ADGRV1: variants seen among roughly 807,000 people sequenced by gnomAD.
ADGRV1 encodes the protein G-protein coupled receptor 98.
ADGRV1 carries 359 observed loss-of-function variants against 596.2 expected under a neutral mutation model. The observed-to-expected ratio is 0.60, with a 90% CI of 0.55 to 0.66. ADGRV1 has a LOEUF of 0.66. Ranked by LOEUF, ADGRV1 falls within the 30% of genes least tolerant of loss-of-function variation. ADGRV1 has a pLI of 0.00. For missense variants in ADGRV1, 7,274 were observed against 7,575.6 expected (o/e 0.96, Z 1.48); for synonymous variants, 2,681 against 2,679.2 (o/e 1.00, Z -0.02).
intron 67 of ADGRV1, among the ~76,000 whole-genome samples, chr5:90,785,281 A>C (rs1477399620): frequency 1.3e-5 from 2 of 152,262 alleles, no homozygotes; most frequent in African/African-American, 4.8e-5. Context: ...CTTAAATGTT[A>C]GACCTAAAAC....
chr5:90,701,422 A>G (rs1399799570), intron 34 of ADGRV1, among the ~76,000 whole-genome samples: 1 of 152,068 alleles, frequency 6.6e-6, no homozygotes, highest in Non-Finnish European at 1.5e-5. Context: ...GGAGTCTGCA[A>G]TAAAGAGACA....
At chr5:90,673,629 G>A (rs1035021745) in intron 22 of ADGRV1, among the ~76,000 whole-genome samples, 2 of 152,038 alleles carry the variant, frequency 1.3e-5, no homozygotes, top group African/African-American at 4.8e-5. Context: ...AAGATATGGT[G>A]CCTTCTCAAT....
intron 87 of ADGRV1, among the ~76,000 whole-genome samples, chr5:91,108,940 A>C (rs1275507478): frequency 6.6e-6 from 1 of 152,108 alleles, no homozygotes; most frequent in East Asian, 1.9e-4. Context: ...AAGTAAGAAA[A>C]TCTTGATCAC....
chr5:90,656,731 A>C (rs1769458224), intron 20 of ADGRV1, among the ~76,000 whole-genome samples: 1 of 152,180 alleles, frequency 6.6e-6, no homozygotes, highest in Non-Finnish European at 1.5e-5. Flanking sequence ...TATTGACAAG[A>C]AATATTGCTT....
intron 83 of ADGRV1, among the ~76,000 whole-genome samples, chr5:90,933,780 C>A (rs1775452833): frequency 6.6e-6 from 1 of 152,132 alleles, no homozygotes; most frequent in African/African-American, 2.4e-5. Flanking sequence ...TTTCTTGTAG[C>A]AGGTGTGAAT....
intron 87 of ADGRV1, among the ~76,000 whole-genome samples, chr5:91,115,975 C>G (rs547194408): frequency 1.2e-3 from 175 of 141,730 alleles, no homozygotes; most frequent in African/African-American, 4.2e-3. Flanking sequence ...CAACAACAGA[C>G]TAATAACACA....
intron 48 of ADGRV1, among the ~76,000 whole-genome samples, chr5:90,726,068 T>G (rs1356915308): frequency 6.6e-6 from 1 of 152,204 alleles, no homozygotes; most frequent in Admixed American, 6.5e-5. Context: ...TTGATAACTT[T>G]TGTCACTCCT....
intron 85 of ADGRV1, among the ~76,000 whole-genome samples, chr5:91,026,204 T>G (rs1784008016): frequency 6.6e-6 from 1 of 152,136 alleles, no homozygotes; most frequent in Admixed American, 6.5e-5. Flanking sequence ...ATGAAACTTC[T>G]GTGCCTGACA....
At chr5:90,582,475 G>A (rs1228836865) in intron 1 of ADGRV1, among the ~76,000 whole-genome samples, 3 of 151,882 alleles carry the variant, frequency 2.0e-5, no homozygotes, top group Non-Finnish European at 4.4e-5. Flanking sequence ...AACTTTTATT[G>A]GTTTAAAGTC....
chr5:91,064,486 G>A lies in ADGRV1; in HGVS notation c.18153-7961G>A, dbSNP rs1277141469. On this transcript the variant is annotated intron_variant, in intron 85 of 89. Coordinates refer to ENST00000405460, the MANE Select transcript of ADGRV1 (RefSeq NM_032119.4). ...CAGTAAATGATTGCTAGCAGTAGTA[G>A]TAGTGGTAGTAGTAATACTTAATTA... 7.2e-5 allele frequency among the ~76,000 whole-genome samples: 11 copies of A among 152,182 alleles called. No individual in the cohort carries two copies. The South Asian group carries it at 1.9e-3, about 26-fold the overall frequency.
intron 75 of ADGRV1, among the ~76,000 whole-genome samples, chr5:90,822,888 G>A (rs1202927684): frequency 1.3e-5 from 2 of 152,068 alleles, no homozygotes; most frequent in African/African-American, 4.8e-5. Context: ...TCTCTTTGAA[G>A]CAATTGTGAA....
intron 21 of ADGRV1, among the ~76,000 whole-genome samples, chr5:90,662,553 G>T (rs1030486665): frequency 6.6e-6 from 1 of 151,692 alleles, no homozygotes; most frequent in Non-Finnish European, 1.5e-5. Flanking sequence ...AAATTCAGAA[G>T]TATTAAAGGT....
chr5:90,855,518 A>G (rs1766940084), intron 81 of ADGRV1, among the ~76,000 whole-genome samples: 1 of 152,138 alleles, frequency 6.6e-6, no homozygotes, highest in South Asian at 2.1e-4. Context: ...ATGCCTTCAA[A>G]GCTTTGGTTG....
chr5:90,942,609 C>T (rs1234544887), intron 83 of ADGRV1, among the ~76,000 whole-genome samples: 2 of 152,042 alleles, frequency 1.3e-5, no homozygotes, highest in African/African-American at 4.8e-5. Flanking sequence ...GCTACTTCAG[C>T]GAGGCTCTAG....
intron 75 of ADGRV1, among the ~76,000 whole-genome samples, chr5:90,821,377 CAG>C (rs1002251501): frequency 1.7e-4 from 26 of 151,218 alleles, no homozygotes; most frequent in African/African-American, 5.8e-4. Context: ...TCCCGTAGCT[CAG>C]AGTAATTTGA....
intron 85 of ADGRV1, among the ~76,000 whole-genome samples, chr5:91,014,603 C>A (rs1783026034): frequency 7.5e-6 from 1 of 132,984 alleles, no homozygotes; most frequent in South Asian, 2.5e-4. Context: ...GAATTTATTT[C>A]ATCCTGATTC....
chr5:90,888,897 T>A (rs1770542597), intron 83 of ADGRV1, among the ~76,000 whole-genome samples: 1 of 152,188 alleles, frequency 6.6e-6, no homozygotes, highest in Non-Finnish European at 1.5e-5. Context: ...AGCCATAGTG[T>A]AATCCTCTGT....
At chr5:91,134,722 T>C (rs1434528040) in intron 87 of ADGRV1, among the ~76,000 whole-genome samples, 1 of 152,204 alleles carries the variant, frequency 6.6e-6, no homozygotes, top group Non-Finnish European at 1.5e-5. Context: ...GAAGATTTTA[T>C]TTCTTTGTCT....
At chr5:90,973,667 A>C (rs1351133567) in intron 84 of ADGRV1, among the ~76,000 whole-genome samples, 1 of 152,084 alleles carries the variant, frequency 6.6e-6, no homozygotes, top group South Asian at 2.1e-4. Flanking sequence ...CATGCTAAAA[A>C]CTCTCAATAA....
Sources: allele counts gnomAD v4.1 joint callset (sites outside exome capture counted in the v4.1 genomes callset), GRCh38; gene constraint gnomAD v4.1.1; transcripts MANE v1.5; gene names NCBI Gene and HGNC (gene_info 2026-07-23, HGNC 2026-07-21).